TBC1D22A: variants seen among roughly 807,000 people sequenced by gnomAD.
The protein encoded by TBC1D22A is TBC1 domain family member 22A.
A neutral mutation model predicts 60.2 loss-of-function variants in TBC1D22A; 38 were observed. The observed-to-expected ratio is 0.63, with a 90% confidence interval of 0.49 to 0.83. The LOEUF is 0.83. TBC1D22A is among the 40% of genes least tolerant of loss of function. The pLI, the probability that TBC1D22A is intolerant of heterozygous loss-of-function variation, is 0.00. For synonymous variants in TBC1D22A, 302 were observed against 281.7 expected (o/e 1.07, Z -0.72); for missense variants, 628 against 701.0 (o/e 0.90, Z 1.18).
intron 11 of TBC1D22A, among the ~76,000 whole-genome samples, chr22:47,092,685 G>A (rs558214478): frequency 3.5e-4 from 54 of 152,306 alleles, no homozygotes; most frequent in African/African-American, 1.1e-3. Flanking sequence ...ACTGAGAGCT[G>A]CCCCACACTT....
intron 11 of TBC1D22A, among the ~76,000 whole-genome samples, chr22:47,076,564 A>G (rs1484401550): frequency 6.6e-6 from 1 of 152,020 alleles, no homozygotes; most frequent in Non-Finnish European, 1.5e-5. Context: ...TATTTATTAA[A>G]TAAATCTGGC....
At chr22:46,774,181 G>C in intron 1 of TBC1D22A, 1 of 985,598 alleles carries the variant, frequency 1.0e-6, no homozygotes, top group Non-Finnish European at 1.2e-6. Context: ...GCTCCTCCAG[G>C]CTGGGGGAAA....
rs191706292 is a variant in TBC1D22A, at chr22:47,120,716, G to A, written c.1425+9113G>A. On this transcript the variant is annotated intron_variant, in intron 12 of 12. Coordinates refer to ENST00000337137, the MANE Select transcript of TBC1D22A (RefSeq NM_014346.5). ...CCTTGTAGGTTCATGCTTGCCTGAGGCTTAGCTCTGAAGGGAAGAGGAATA... is the reference window on the plus strand; with the variant it reads ...CCTTGTAGGTTCATGCTTGCCTGAGACTTAGCTCTGAAGGGAAGAGGAATA... Among the ~76,000 whole-genome samples, 8 of 152,332 alleles carry A rather than the reference G, an allele frequency of 5.3e-5. 1 individual carries two copies. In the South Asian group the frequency reaches 8.3e-4, roughly 16 times the overall value.
chr22:46,913,358 A>G (rs1476159340), intron 8 of TBC1D22A: 2 of 1,366,536 alleles, frequency 1.5e-6, no homozygotes, highest in South Asian at 2.3e-5. Context: ...GGTCGGCCTC[A>G]GATTCCCATC....
chr22:46,892,967 G>A (rs1300434759), intron 6 of TBC1D22A, among the ~76,000 whole-genome samples: 5 of 152,234 alleles, frequency 3.3e-5, no homozygotes, highest in South Asian at 2.1e-4. Context: ...CGCCTTCTGC[G>A]TTCTCGCCAT....
chr22:46,805,210 A>G (rs2085075726), intron 4 of TBC1D22A, among the ~76,000 whole-genome samples: 1 of 152,200 alleles, frequency 6.6e-6, no homozygotes, highest in South Asian at 2.1e-4. Flanking sequence ...TTCTCAGGAA[A>G]TGCTGGCAGA....
At chr22:47,171,523 CAG>C (rs2068451491) in intron 12 of TBC1D22A, among the ~76,000 whole-genome samples, 1 of 152,212 alleles carries the variant, frequency 6.6e-6, no homozygotes. Flanking sequence ...AGCTTCATGA[CAG>C]AGCCTGGGCT....
chr22:47,091,543 G>T (rs1429599303), intron 11 of TBC1D22A, among the ~76,000 whole-genome samples: 18 of 147,112 alleles, frequency 1.2e-4, no homozygotes, highest in African/African-American at 4.3e-4. Flanking sequence ...GTCGTCTTTG[G>T]GGGGGTGTGG....
chr22:46,928,703 C>T lies in TBC1D22A; in HGVS notation c.1015+16515C>T, dbSNP rs1051267174. Among the ~76,000 whole-genome samples the T allele has an allele frequency of 9.2e-5, 14 of 151,922 alleles. No individual in the cohort carries two copies. The East Asian group carries it at 9.6e-4, about 10-fold the overall frequency. ...TCATATCTAGTATATACAAAGAACT[C>T]GTACAACTCAGTATTAAGACAAACC... On this transcript the variant is annotated intron_variant, in intron 8 of 12. Coordinates refer to ENST00000337137, the MANE Select transcript of TBC1D22A (RefSeq NM_014346.5).
intron 5 of TBC1D22A, among the ~76,000 whole-genome samples, chr22:46,890,559 C>G (rs1025378066): frequency 2.0e-5 from 3 of 151,996 alleles, no homozygotes; most frequent in Admixed American, 2.0e-4. Context: ...TTTGGTATCC[C>G]CCATAGATAC....
chr22:47,160,850 C>T (rs911606165), intron 12 of TBC1D22A, among the ~76,000 whole-genome samples: 1 of 152,126 alleles, frequency 6.6e-6, no homozygotes, highest in African/African-American at 2.4e-5. Flanking sequence ...GCCCTCCCCC[C>T]AGCTACCCTC....
intron 8 of TBC1D22A, among the ~76,000 whole-genome samples, chr22:46,927,284 T>C (rs918857098): frequency 1.3e-5 from 2 of 152,240 alleles, no homozygotes; most frequent in Non-Finnish European, 2.9e-5. Flanking sequence ...TGAGGAATGC[T>C]GGGATGGTTC....
chr22:46,970,722 G>A (rs891434494), intron 8 of TBC1D22A, among the ~76,000 whole-genome samples: 2 of 152,168 alleles, frequency 1.3e-5, no homozygotes, highest in African/African-American at 4.8e-5. Flanking sequence ...GGCCATCTCC[G>A]AGTCTTGATT....
intron 4 of TBC1D22A, among the ~76,000 whole-genome samples, chr22:46,873,773 A>C (rs1018536792): frequency 2.6e-5 from 4 of 151,610 alleles, no homozygotes; most frequent in African/African-American, 9.7e-5. Context: ...ATGTCACTGC[A>C]AAGGACATAA....
intron 12 of TBC1D22A, among the ~76,000 whole-genome samples, chr22:47,135,873 TG>T (rs1247793741): frequency 6.8e-6 from 1 of 146,836 alleles, no homozygotes; most frequent in Non-Finnish European, 1.5e-5. Context: ...CACTGTGGAG[TG>T]CTGTGTTCAT....
intron 12 of TBC1D22A, 51 bp from the exon 13 acceptor site, chr22:47,173,447 C>A: frequency 6.2e-7 from 1 of 1,603,252 alleles, no homozygotes; most frequent in Non-Finnish European, 8.5e-7. Context: ...GGTCACCCGC[C>A]CTCCACCGTG....
chr22:47,097,238 C>T (rs1284817630), intron 11 of TBC1D22A, among the ~76,000 whole-genome samples: 1 of 152,166 alleles, frequency 6.6e-6, no homozygotes, highest in East Asian at 1.9e-4. Context: ...CTAGTTTTGG[C>T]CCTTTGCTCT....
chr22:46,904,643 T>C (rs1022616534), intron 7 of TBC1D22A, among the ~76,000 whole-genome samples: 3 of 151,214 alleles, frequency 2.0e-5, no homozygotes, highest in African/African-American at 7.3e-5. Context: ...TAATTTTGTA[T>C]TTTTAGTAGA....
At chr22:47,074,866 G>A (rs1302895623) in intron 11 of TBC1D22A, among the ~76,000 whole-genome samples, 1 of 152,208 alleles carries the variant, frequency 6.6e-6, no homozygotes, top group African/African-American at 2.4e-5. Flanking sequence ...GTGTTCTTGT[G>A]AGCATCTACT....
Sources: gnomAD v4.1 joint callset for allele counts (sites outside exome capture counted in the v4.1 genomes callset) on GRCh38, gnomAD v4.1.1 for gene constraint, MANE v1.5 for transcripts, NCBI Gene and HGNC (gene_info 2026-07-23, HGNC 2026-07-21) for gene names.